RERE: variants seen among roughly 807,000 people sequenced by gnomAD.
The protein encoded by RERE is arginine-glutamic acid dipeptide repeats.
RERE carries 40 observed loss-of-function variants against 146.1 expected under a neutral mutation model. That is an observed-to-expected ratio of 0.27 (90% CI 0.21 to 0.36). The LOEUF is 0.36. Ranked by LOEUF, RERE falls within the 10% of genes least tolerant of loss-of-function variation. RERE has a pLI of 1.00. For synonymous variants in RERE, 1,003 were observed against 866.0 expected, an observed-to-expected ratio of 1.16 and a Z score of -2.78; for missense variants, 1,933 against 2,138.7, an observed-to-expected ratio of 0.90 and a Z score of 1.90.
intron 16 of RERE, 82 bp from the exon 17 acceptor site, chr1:8,361,958 G>A (rs1570041691): frequency 3.0e-6 from 3 of 995,422 alleles, no homozygotes; most frequent in East Asian, 4.8e-5. Flanking sequence ...ACGGTTTGCA[G>A]ACACTTTGCT....
intron 1 of RERE, among the ~76,000 whole-genome samples, chr1:8,660,161 T>G (rs1638421678): frequency 6.6e-6 from 1 of 152,108 alleles, no homozygotes; most frequent in African/African-American, 2.4e-5. Context: ...TAAGCAAAAG[T>G]CAATCCAATT....
intron 2 of RERE, among the ~76,000 whole-genome samples, chr1:8,652,325 C>T (rs888955720): frequency 1.3e-5 from 2 of 152,220 alleles, no homozygotes; most frequent in South Asian, 2.1e-4. Flanking sequence ...ACCTTTCTCA[C>T]ATGTCACAAA....
intron 1 of RERE, among the ~76,000 whole-genome samples, chr1:8,809,428 T>G (rs917218729): frequency 1.3e-5 from 2 of 152,214 alleles, no homozygotes; most frequent in Non-Finnish European, 2.9e-5. Context: ...TAGGCAGGAA[T>G]GCAACCTATA....
intron 1 of RERE, among the ~76,000 whole-genome samples, chr1:8,810,794 A>C (rs1387374551): frequency 6.6e-6 from 1 of 152,160 alleles, no homozygotes; most frequent in Non-Finnish European, 1.5e-5. Flanking sequence ...TGAGGCTTTA[A>C]AGAGCTCATG....
At chr1:8,627,268 G>A (rs1646985395) in intron 2 of RERE, among the ~76,000 whole-genome samples, 1 of 151,930 alleles carries the variant, frequency 6.6e-6, no homozygotes. Context: ...AATCTTGTAG[G>A]CTCAGAGAAA....
At chr1:8,813,598 A>ACTATC (rs1209081855) in intron 1 of RERE, among the ~76,000 whole-genome samples, 1 of 146,292 alleles carries the variant, frequency 6.8e-6, no homozygotes, top group Non-Finnish European at 1.5e-5. Context: ...GACAGTGTTT[A>ACTATC]CTATCCTATT....
intron 9 of RERE, among the ~76,000 whole-genome samples, chr1:8,496,150 T>TAAAAAAAAAAAAAAA (rs36115213): frequency 1.6e-4 from 19 of 118,420 alleles, no homozygotes; most frequent in African/African-American, 6.4e-4. Context: ...GACCCTGTCT[T>TAAAAAAAAAAAAAAA]AAAAAAAAAA....
chr1:8,416,586 C>CAAAAAAAAA (rs5772324), intron 12 of RERE, among the ~76,000 whole-genome samples: 1 of 105,964 alleles, frequency 9.4e-6, no homozygotes, highest in Non-Finnish European at 1.9e-5. Flanking sequence ...ACTCCATCTC[C>CAAAAAAAAA]AAAAAAAAAA....
chr1:8,535,370 T>C (rs1474370712), intron 7 of RERE, among the ~76,000 whole-genome samples: 2 of 152,148 alleles, frequency 1.3e-5, no homozygotes, highest in African/African-American at 4.8e-5. Context: ...GAGAATACCA[T>C]GGTAATAATA....
chr1:8,459,010 C>T (rs301809), intron 11 of RERE, among the ~76,000 whole-genome samples: 131,341 of 152,314 alleles, frequency 0.86, 57,125 homozygotes, highest in African/African-American at 0.97. Flanking sequence ...ATTGACAGAA[C>T]TGACTGCCTT....
At chr1:8,456,487 G>A (rs1020243676) in intron 11 of RERE, among the ~76,000 whole-genome samples, 7 of 152,224 alleles carry the variant, frequency 4.6e-5, no homozygotes, top group African/African-American at 1.7e-4. Context: ...AGCAGCTGCA[G>A]AAGTCAGAGG....
intron 11 of RERE, among the ~76,000 whole-genome samples, chr1:8,450,689 G>A (rs1644380643): frequency 6.6e-6 from 1 of 152,140 alleles, no homozygotes; most frequent in African/African-American, 2.4e-5. Context: ...GCCAGAAGTT[G>A]TTTTGTCAAC....
At chr1:8,458,974 A>G (rs1644488665) in intron 11 of RERE, among the ~76,000 whole-genome samples, 1 of 152,230 alleles carries the variant, frequency 6.6e-6, no homozygotes, top group African/African-American at 2.4e-5. Flanking sequence ...AGAGCTTGTT[A>G]AACAGTAGAA....
intron 10 of RERE, among the ~76,000 whole-genome samples, chr1:8,490,134 G>A (rs913867885): frequency 5.9e-5 from 9 of 151,724 alleles, no homozygotes; most frequent in African/African-American, 9.7e-5. Flanking sequence ...AGGCCAAGGC[G>A]GGCGGATCAC....
chr1:8,584,992 C>G (rs1646409828), intron 4 of RERE, among the ~76,000 whole-genome samples: 1 of 151,546 alleles, frequency 6.6e-6, no homozygotes, highest in African/African-American at 2.4e-5. Flanking sequence ...ACTCAAAGTA[C>G]AAAAAAATTA....
intron 1 of RERE, among the ~76,000 whole-genome samples, chr1:8,756,366 G>A (rs1360647169): frequency 6.6e-6 from 1 of 152,118 alleles, no homozygotes; most frequent in Non-Finnish European, 1.5e-5. Flanking sequence ...TGCTTTGAAG[G>A]ATATTCAGTG....
chr1:8,518,053 C>G (rs1288903721), intron 7 of RERE, among the ~76,000 whole-genome samples: 1 of 152,118 alleles, frequency 6.6e-6, no homozygotes, highest in Non-Finnish European at 1.5e-5. Flanking sequence ...ACTTCTTCAC[C>G]CTGAAGAAAG....
intron 4 of RERE, among the ~76,000 whole-genome samples, chr1:8,607,725 CT>C (rs35349056): frequency 0.011 from 987 of 92,902 alleles, 11 homozygotes; most frequent in African/African-American, 0.042. Context: ...CCATATCTGG[CT>C]TTTTTTTTTT....
chr1:8,804,730 G>C (rs1184182638), intron 1 of RERE, among the ~76,000 whole-genome samples: 1 of 144,830 alleles, frequency 6.9e-6, no homozygotes, highest in Non-Finnish European at 1.5e-5. Flanking sequence ...ACTGATGTGA[G>C]AAAGTGGAGA....
Sources: gnomAD v4.1 joint callset for allele counts (sites outside exome capture counted in the v4.1 genomes callset) on GRCh38, gnomAD v4.1.1 for gene constraint, MANE v1.5 for transcripts, NCBI Gene and HGNC (gene_info 2026-07-23, HGNC 2026-07-21) for gene names.